TRAK1: variants seen among roughly 807,000 people sequenced by gnomAD.
TRAK1 encodes trafficking kinesin-binding protein 1.
TRAK1 carries 33 observed loss-of-function variants against 92.1 expected under a neutral mutation model. The ratio of observed to expected loss-of-function variants is 0.36; its 90% CI spans 0.27 to 0.48. The LOEUF is 0.48. TRAK1 is among the 20% of genes least tolerant of loss of function. The probability of loss-of-function intolerance (pLI) is 0.99; values close to 1 mark genes in which losing one functional copy is unlikely to be tolerated. For missense variants in TRAK1, 1,123 were observed against 1,257.9 expected (o/e 0.89, Z 1.62); for synonymous variants, 521 against 517.3 (o/e 1.01, Z -0.10).
At chr3:42,162,733 T>C (rs1216313190) in intron 2 of TRAK1, among the ~76,000 whole-genome samples, 1 of 152,210 alleles carries the variant, frequency 6.6e-6, no homozygotes, top group Non-Finnish European at 1.5e-5. Flanking sequence ...AACAGGTTTC[T>C]GACCAGTTCC....
chr3:42,116,130 C>T (rs1362841570), intron 1 of TRAK1, among the ~76,000 whole-genome samples: 1 of 152,232 alleles, frequency 6.6e-6, no homozygotes, highest in Non-Finnish European at 1.5e-5. Flanking sequence ...CAGCGGAAAG[C>T]GAATCAGCAT....
intron 10 of TRAK1, among the ~76,000 whole-genome samples, chr3:42,195,967 G>A (rs1309708439): frequency 1.3e-5 from 2 of 152,138 alleles, no homozygotes; most frequent in African/African-American, 2.4e-5. Context: ...TGAGCTCCTG[G>A]CGCTGTCTTG....
At chr3:42,196,800 G>A (rs1046977914) in intron 10 of TRAK1, among the ~76,000 whole-genome samples, 4 of 150,856 alleles carry the variant, frequency 2.7e-5, no homozygotes, top group Non-Finnish European at 5.9e-5. Context: ...CACCCGTCTC[G>A]GCCTCCCAAA....
chr3:42,149,689 C>T lies in TRAK1; in HGVS notation c.286+24075C>T. ...GGTGTCCTGAAACCTTTAGGGGAGA[C>T]AGGCGGCTGGCGGGTGGGAGGTACC... On this transcript the variant is annotated intron_variant, in intron 2 of 15. Coordinates refer to ENST00000327628, the MANE Select transcript of TRAK1 (RefSeq NM_001042646.3). 2.0e-6 allele frequency: 3 copies of T among 1,499,684 alleles called. No homozygotes were observed. In the South Asian group the frequency reaches 3.7e-5, roughly 18 times the overall value. 92.9% of individuals were successfully genotyped at this position (1,499,684 alleles called of 1,614,324 possible). A position where few individuals can be genotyped will look rare whatever the true frequency, so the allele number is the denominator to read the frequency against.
At chr3:42,063,986 G>GT (rs1217264506) in intron 1 of TRAK1, among the ~76,000 whole-genome samples, 1 of 152,212 alleles carries the variant, frequency 6.6e-6, no homozygotes, top group Non-Finnish European at 1.5e-5. Context: ...CAGCCAGCAT[G>GT]TGAGAAGCCC....
At chr3:42,215,814 C>T (rs1377826961) in intron 14 of TRAK1, among the ~76,000 whole-genome samples, 2 of 152,062 alleles carry the variant, frequency 1.3e-5, no homozygotes, top group African/African-American at 4.8e-5. Context: ...AGTGTTTCTC[C>T]GTTCTCAGAG....
chr3:42,058,844 G>A (rs1483687589), intron 1 of TRAK1, among the ~76,000 whole-genome samples: 1 of 152,132 alleles, frequency 6.6e-6, no homozygotes, highest in Non-Finnish European at 1.5e-5. Flanking sequence ...TACAAAGTAA[G>A]CATAGTAAAG....
intron 1 of TRAK1, among the ~76,000 whole-genome samples, chr3:42,059,668 T>C (rs1025013840): frequency 6.6e-6 from 1 of 152,228 alleles, no homozygotes; most frequent in Admixed American, 6.5e-5. Context: ...GAAAGCTTTT[T>C]ATTTTCCAGA....
At chr3:42,190,367 C>A (rs1705532933) in intron 6 of TRAK1, among the ~76,000 whole-genome samples, 1 of 152,186 alleles carries the variant, frequency 6.6e-6, no homozygotes, top group Admixed American at 6.5e-5. Flanking sequence ...CATGTCCCGT[C>A]TGAACAAGAT....
intron 1 of TRAK1, among the ~76,000 whole-genome samples, chr3:42,101,479 CTCTGAAT>C (rs1231050649): frequency 2.6e-5 from 4 of 152,204 alleles, no homozygotes; most frequent in Non-Finnish European, 5.9e-5. Context: ...TGCCAGTCAC[CTCTGAAT>C]TATTGGCTTC....
intron 8 of TRAK1, 78 bp from the exon 9 acceptor site, chr3:42,193,746 A>C (rs1706165852): frequency 2.8e-6 from 4 of 1,405,852 alleles, no homozygotes; most frequent in South Asian, 2.3e-5. Context: ...AGTTCATTAC[A>C]GATTAGGTTA....
chr3:42,102,604 A>T (rs975160752), intron 1 of TRAK1, among the ~76,000 whole-genome samples: 4 of 152,190 alleles, frequency 2.6e-5, no homozygotes, highest in Non-Finnish European at 5.9e-5. Flanking sequence ...CTCCCTTCAC[A>T]GTTGAATACA....
chr3:42,111,665 G>A (rs968205544), intron 1 of TRAK1, among the ~76,000 whole-genome samples: 2 of 152,086 alleles, frequency 1.3e-5, no homozygotes, highest in African/African-American at 4.8e-5. Context: ...AAAGTGCTGG[G>A]ATAACAGGTG....
At chr3:42,178,248 G>A (rs6774372) in intron 3 of TRAK1, among the ~76,000 whole-genome samples, 82,915 of 151,684 alleles carry the variant, frequency 0.55, 23,684 homozygotes, top group East Asian at 0.95. Context: ...GCTTCTCTCT[G>A]CTTTACTCTT....
chr3:42,065,815 A>T (rs548821573), intron 1 of TRAK1, among the ~76,000 whole-genome samples: 10 of 151,982 alleles, frequency 6.6e-5, no homozygotes, highest in Middle Eastern at 6.8e-3. Context: ...TTTTTTATAG[A>T]AATGGTGTTC....
chr3:42,193,341 G>C, intron 8 of TRAK1, 136 bp downstream of exon 8: 5 of 1,246,430 alleles, frequency 4.0e-6, no homozygotes, highest in Non-Finnish European at 5.4e-6. Flanking sequence ...AAAAAGCTTA[G>C]TGGACTCAGT....
chr3:42,202,250 C>T lies in TRAK1; in HGVS notation c.1428-186C>T, dbSNP rs1159655848. Reference sequence around the variant, plus strand: ...ACCTCAACCCCACTAAAAAAGACCCCTGGCGGGAGTGGTTCTGGACACGAA... The same window carrying T: ...ACCTCAACCCCACTAAAAAAGACCCTTGGCGGGAGTGGTTCTGGACACGAA... On this transcript the variant is annotated intron_variant, in intron 12 of 15. Transcript: ENST00000327628. The surrounding 1 kb of genome is among the most constrained non-coding windows in gnomAD (Gnocchi z 6.1). 6.6e-6 allele frequency among the ~76,000 whole-genome samples: 1 copy of T among 152,152 alleles called. No homozygotes were observed. Among genetic ancestry groups the T allele is most frequent in the African/African-American group, 2.4e-5 (1 of 41,428 alleles).
intron 1 of TRAK1, among the ~76,000 whole-genome samples, chr3:42,119,961 G>A (rs1709637796): frequency 6.6e-6 from 1 of 152,222 alleles, no homozygotes; most frequent in Non-Finnish European, 1.5e-5. Context: ...AGCTCTTTGA[G>A]AGAATGAGAT....
chr3:42,135,733 G>T (rs1329774182), intron 2 of TRAK1, among the ~76,000 whole-genome samples: 2 of 152,120 alleles, frequency 1.3e-5, no homozygotes, highest in African/African-American at 2.4e-5. Context: ...TTTGTTTTTA[G>T]CTAAGTCCCT....
Sources: gnomAD v4.1 joint callset for allele counts (sites outside exome capture counted in the v4.1 genomes callset) on GRCh38, gnomAD v4.1.1 for gene constraint, Gnocchi (gnomAD v3.1) non-coding constraint, MANE v1.5 for transcripts, NCBI Gene and HGNC (gene_info 2026-07-23, HGNC 2026-07-21) for gene names.